Variants in GZMA observed in about 807,000 individuals in gnomAD.
GZMA encodes granzyme A.
In GZMA, 17 loss-of-function variants were observed where a neutral mutation model predicts 21.1. The ratio of observed to expected loss-of-function variants is 0.81; its 90% CI spans 0.55 to 1.21. The LOEUF is 1.21. Among genes scored for constraint, GZMA ranks in the 50% most tolerant of loss-of-function variants. The pLI is 0.00. For missense variants in GZMA, 306 were observed against 315.9 expected, an observed-to-expected ratio of 0.97 and a Z score of 0.24; for synonymous variants, 90 against 107.8, an observed-to-expected ratio of 0.83 and a Z score of 1.03.
chr5:55,104,698 T>C (rs1203914012), intron 1 of GZMA, among the ~76,000 whole-genome samples: 2 of 152,202 alleles, frequency 1.3e-5, no homozygotes, highest in African/African-American at 4.8e-5. Flanking sequence ...GTTCTCTCTA[T>C]CTGCATGTAT....
chr5:55,102,778 T>A, intron 1 of GZMA, 26 bp downstream of exon 1: 1 of 1,470,884 alleles, frequency 6.8e-7, no homozygotes, highest in South Asian at 1.1e-5. Context: ...CTCATTTCCA[T>A]TATGACCATG....
rs147632912 is a variant in GZMA at position 55,102,700 on chromosome 5, A to G, written c.18A>G (p.Arg6=). Reference sequence around the variant, plus strand: ...CAGCCACAATGAGGAACTCCTATAGATTTCTGGCATCCTCTCTCTCAGTTG... The same window carrying G: ...CAGCCACAATGAGGAACTCCTATAGGTTTCTGGCATCCTCTCTCTCAGTTG... MRNSY[R]FLASSLSVVV... The change falls in exon 1 of 5, where the codon AGA becomes AGG. Residue 6 remains arginine (R), a synonymous_variant. Transcript: ENST00000274306. 2 of 1,609,202 alleles carry G rather than the reference A, an allele frequency of 1.2e-6. No individual in the cohort carries two copies. The highest frequency in any genetic ancestry group is 2.7e-5 in the African/African-American group (2 of 74,828).
chr5:55,110,148 A>G lies in GZMA; in HGVS notation c.755A>G (p.Asn252Ser), dbSNP rs372192022. Residue 252 changes from asparagine to serine, a missense_variant, in exon 5 of 5, where the codon AAC (asparagine) becomes AGC (serine). Physicochemically the swap from Asn to Ser is conservative, Grantham distance 46. Coordinates refer to ENST00000274306, the MANE Select transcript of GZMA (RefSeq NM_006144.4). ...VYILLSKKHL[N>S]WIIMTIKGAV The stretch of plus-strand genomic sequence containing the variant: ...ATTCTTCTCTCAAAGAAACACCTCA[A>G]CTGGATAATTATGACTATCAAGGGA... The G allele has an allele frequency of 1.9e-6, 3 of 1,608,790 alleles. No individual in the cohort carries two copies. Among genetic ancestry groups the G allele is most frequent in the Admixed American group, 1.7e-5 (1 of 59,308 alleles).
At chr5:55,104,039 A>G (rs1182255691) in intron 1 of GZMA, among the ~76,000 whole-genome samples, 1 of 152,102 alleles carries the variant, frequency 6.6e-6, no homozygotes, top group Middle Eastern at 3.2e-3. Flanking sequence ...AGAGAGAAGA[A>G]ATATAAAAAT....
At chr5:55,103,776 G>C (rs564442564) in intron 1 of GZMA, among the ~76,000 whole-genome samples, 5 of 152,288 alleles carry the variant, frequency 3.3e-5, no homozygotes, top group Non-Finnish European at 7.4e-5. Flanking sequence ...GGGAGGCTGA[G>C]GTGGGTGTTT....
At chr5:55,106,960 C>T (rs935172940) in intron 2 of GZMA, among the ~76,000 whole-genome samples, 4 of 152,108 alleles carry the variant, frequency 2.6e-5, no homozygotes, top group African/African-American at 9.7e-5. Flanking sequence ...TAAAAATATG[C>T]TCTACTGGAA....
chr5:55,104,041 T>C (rs931221342), intron 1 of GZMA, among the ~76,000 whole-genome samples: 1 of 150,796 alleles, frequency 6.6e-6, no homozygotes, highest in African/African-American at 2.4e-5. Context: ...AGAGAAGAAA[T>C]ATAAAAATAA....
In GZMA at chr5:55,108,239, A is replaced by C; in HGVS notation, c.472A>C (p.Asn158His). ...CQVAGWGRTH[N>H]SASWSDTLRE... Reference sequence around the variant, plus strand: ...AGTTGCAGGGTGGGGCAGGACTCACAATAGTGCATCTTGGTCCGATACTCT... The same window carrying C: ...AGTTGCAGGGTGGGGCAGGACTCACCATAGTGCATCTTGGTCCGATACTCT... Residue 158 changes from asparagine (N) to histidine (H), a missense_variant, in exon 4 of 5, where the codon AAT becomes CAT. Asn to His is a moderately conservative substitution (Grantham distance 68). Coordinates refer to ENST00000274306, the MANE Select transcript of GZMA (RefSeq NM_006144.4). 1 of 1,613,976 alleles carries C rather than the reference A, an allele frequency of 6.2e-7. No homozygotes were observed. The highest frequency in any genetic ancestry group is 8.5e-7 in the Non-Finnish European group (1 of 1,179,892).
Position 55,105,621 on chromosome 5 carries a change from A to T in GZMA, c.215+3A>T. ...TTGACTGCAGCTCACTGTAACTTGTAAGTGCCTGGGTTTTTAAAAAAAAGT... is the reference window on the plus strand; with the variant it reads ...TTGACTGCAGCTCACTGTAACTTGTTAGTGCCTGGGTTTTTAAAAAAAAGT... On this transcript the variant is annotated splice_donor_region_variant and intron_variant, in intron 2 of 4. Coordinates refer to ENST00000274306, the MANE Select transcript of GZMA (RefSeq NM_006144.4). 3 of 1,611,924 alleles carry T rather than the reference A, an allele frequency of 1.9e-6. No homozygotes were observed. Among genetic ancestry groups the T allele is most frequent in the Non-Finnish European group, 2.5e-6 (3 of 1,178,458 alleles).
intron 1 of GZMA, among the ~76,000 whole-genome samples, chr5:55,102,997 A>AT (rs563281811): frequency 0.01 from 1,506 of 144,566 alleles, 16 homozygotes; most frequent in Non-Finnish European, 0.017. Flanking sequence ...CCCTGTCTCT[A>AT]TTTTTTTTTT....
chr5:55,109,140 A>T (rs574799439), intron 4 of GZMA, among the ~76,000 whole-genome samples: 10 of 152,326 alleles, frequency 6.6e-5, no homozygotes, highest in African/African-American at 2.4e-4. Context: ...AGAAATCCAA[A>T]GGTCTCTGTC....
At chr5:55,103,664 G>T (rs1742339756) in intron 1 of GZMA, among the ~76,000 whole-genome samples, 1 of 152,080 alleles carries the variant, frequency 6.6e-6, no homozygotes, top group Non-Finnish European at 1.5e-5. Flanking sequence ...TTGGAGGCAG[G>T]GACTTATGTA....
intron 2 of GZMA, among the ~76,000 whole-genome samples, 190 bp downstream of exon 2, chr5:55,105,808 A>G (rs1017812995): frequency 8.6e-5 from 13 of 151,788 alleles, no homozygotes; most frequent in African/African-American, 2.9e-4. Flanking sequence ...CCCCATCTCT[A>G]TTAAAAATAC....
At chr5:55,102,817 CT>C in intron 1 of GZMA, 65 bp downstream of exon 1, 2 of 1,020,662 alleles carry the variant, frequency 2.0e-6, no homozygotes, top group East Asian at 2.4e-5. Flanking sequence ...TTTCAATGAA[CT>C]TTTGGCAATA....
At position 55,108,292 on chromosome 5, in the gene GZMA, C is replaced by T. The variant is rs1168207364; in HGVS notation, c.525C>T (p.Asp175=). Residue 175 remains aspartate (D), a synonymous_variant, in exon 4 of 5, where the codon GAC becomes GAT. Coordinates refer to ENST00000274306, the MANE Select transcript of GZMA (RefSeq NM_006144.4). ...GAGAAGTCAATATCACCATCATAGA[C>T]AGAAAAGTCTGCAATGATCGAAATC... ...TLREVNITII[D]RKVCNDRNHY... 1.2e-6 allele frequency: 2 copies of T among 1,612,912 alleles called. No homozygotes were observed. Among genetic ancestry groups the T allele is most frequent in the African/African-American group, 2.7e-5 (2 of 74,880 alleles).
intron 1 of GZMA, among the ~76,000 whole-genome samples, chr5:55,104,079 G>C (rs181564659): frequency 6.6e-6 from 1 of 152,228 alleles, no homozygotes; most frequent in Admixed American, 6.5e-5. Context: ...TGGGACAAAG[G>C]TTGGCTATGT....
At chr5:55,109,232 C>A (rs1356375458) in intron 4 of GZMA, among the ~76,000 whole-genome samples, 1 of 152,148 alleles carries the variant, frequency 6.6e-6, no homozygotes, top group African/African-American at 2.4e-5. Context: ...CAGTACCTGT[C>A]CACTTTCTCT....
At chr5:55,108,555 G>A (rs181471686) in intron 4 of GZMA, among the ~76,000 whole-genome samples, 161 bp downstream of exon 4, 3 of 152,260 alleles carry the variant, frequency 2.0e-5, no homozygotes, top group African/African-American at 7.2e-5. Flanking sequence ...ATGAATGCTC[G>A]CAGCTCAAGT....
intron 2 of GZMA, 76 bp downstream of exon 2, chr5:55,105,694 C>T (rs1742375502): frequency 3.1e-6 from 4 of 1,307,202 alleles, no homozygotes; most frequent in East Asian, 2.3e-5. Flanking sequence ...AAGAGTAGGC[C>T]GGGCACAGTG....
Sources: allele counts gnomAD v4.1 joint callset (sites outside exome capture counted in the v4.1 genomes callset), GRCh38; gene constraint gnomAD v4.1.1; transcripts MANE v1.5; gene names NCBI Gene and HGNC (gene_info 2026-07-23, HGNC 2026-07-21).